Variants in RP1 observed in about 807,000 individuals in gnomAD.
RP1 encodes RP1 axonemal microtubule associated.
Under a neutral mutation model 14.8 loss-of-function variants are expected in RP1, and 16 were observed. The ratio of observed to expected loss-of-function variants is 1.08; its 90% CI spans 0.73 to 1.65. The LOEUF (loss-of-function observed/expected upper bound fraction) is 1.65, where lower values mean the gene tolerates loss of function less well. Ranked by LOEUF, RP1 falls within the 40% of genes most tolerant of loss-of-function variation. RP1 has a pLI of 0.00. For missense variants in RP1, 2,631 were observed against 2,535.0 expected (o/e 1.04, Z -0.81); for synonymous variants, 876 against 883.6 (o/e 0.99, Z 0.15).
At chr8:54,601,356 G>A (rs1215221053) in intron 1 of RP1, among the ~76,000 whole-genome samples, 1 of 151,480 alleles carries the variant, frequency 6.6e-6, no homozygotes, top group African/African-American at 2.4e-5. Context: ...CTCACTCATA[G>A]GTGGGAATTG....
intron 12 of RP1, chr8:54,699,365 T>C: frequency 2.2e-6 from 1 of 446,758 alleles, no homozygotes; most frequent in East Asian, 3.4e-5. Context: ...AACATTTAAT[T>C]GAGAAGTTTA....
chr8:54,576,142 G>A (rs1804636183), intron 1 of RP1, among the ~76,000 whole-genome samples: 1 of 151,020 alleles, frequency 6.6e-6, no homozygotes, highest in South Asian at 2.1e-4. Flanking sequence ...CCAGGTTCAC[G>A]CCATTCTCCC....
chr8:54,843,089 C>T (rs963109938), intron 25 of RP1, among the ~76,000 whole-genome samples: 1 of 152,144 alleles, frequency 6.6e-6, no homozygotes, highest in Non-Finnish European at 1.5e-5. Context: ...GAGTGTTGCC[C>T]AGGCTGGAGT....
rs1284179734 is a variant in RP1, at chr8:54,778,302, T to C, written c.3452-5245T>C. On this transcript the variant is annotated intron_variant, in intron 23 of 28. Transcript: ENST00000637698. Reference sequence around the variant, plus strand: ...TTCATTCTGGTTACAGGGAGGAATGTTTGTTAATGCTTCTTCTTCTTTTTT... The same window carrying C: ...TTCATTCTGGTTACAGGGAGGAATGCTTGTTAATGCTTCTTCTTCTTTTTT... 3.4e-5 allele frequency among the ~76,000 whole-genome samples: 5 copies of C among 148,626 alleles called. No individual in the cohort carries two copies. In the East Asian group the frequency reaches 1.0e-3, roughly 30 times the overall value.
intron 24 of RP1, among the ~76,000 whole-genome samples, chr8:54,804,199 CTT>C (rs1017523640): frequency 1.3e-5 from 2 of 151,898 alleles, no homozygotes; most frequent in Admixed American, 6.6e-5. Flanking sequence ...TTTGAATAAA[CTT>C]TGTTTTGCAA....
intron 1 of RP1, among the ~76,000 whole-genome samples, chr8:54,607,390 A>G (rs1805477154): frequency 6.6e-6 from 1 of 152,106 alleles, no homozygotes; most frequent in African/African-American, 2.4e-5. Flanking sequence ...TTACTGCCTG[A>G]TTGTTCCTTT....
At chr8:54,745,481 A>T (rs1312333425) in intron 19 of RP1, among the ~76,000 whole-genome samples, 1 of 152,210 alleles carries the variant, frequency 6.6e-6, no homozygotes, top group Non-Finnish European at 1.5e-5. Context: ...TAAGTTTCTA[A>T]GAAACAAAAA....
intron 16 of RP1, among the ~76,000 whole-genome samples, chr8:54,720,629 G>GTAC (rs1808511976): frequency 6.6e-6 from 1 of 152,192 alleles, no homozygotes. Flanking sequence ...CCCTGAGAGG[G>GTAC]ATGAGGCTGT....
At chr8:54,670,693 ATATATATATAT>A (rs1807157250) in intron 7 of RP1, among the ~76,000 whole-genome samples, 1 of 138,616 alleles carries the variant, frequency 7.2e-6, no homozygotes, top group Non-Finnish European at 1.5e-5. Context: ...ATATATATAT[ATATATATATAT>A]ATAAAACATT....
intron 1 of RP1, among the ~76,000 whole-genome samples, chr8:54,596,203 AT>A (rs1805141392): frequency 6.6e-6 from 1 of 152,214 alleles, no homozygotes; most frequent in Non-Finnish European, 1.5e-5. Flanking sequence ...TTCAGAGTAC[AT>A]TTAGATCGGT....
chr8:54,820,846 C>T (rs1168371104), intron 24 of RP1, among the ~76,000 whole-genome samples: 1 of 152,064 alleles, frequency 6.6e-6, no homozygotes, highest in African/African-American at 2.4e-5. Flanking sequence ...CTTTCTCCAC[C>T]TCCTTCCCAG....
At chr8:54,739,172 G>T in intron 19 of RP1, 2 of 463,976 alleles carry the variant, frequency 4.3e-6, no homozygotes, top group South Asian at 1.3e-4. Context: ...GTAAACTCAT[G>T]GTAAATAAAA....
Position 54,628,716 on chromosome 8 carries a change from A to G in RP1, c.4834A>G (p.Asn1612Asp). 1 of 1,614,082 alleles carries G rather than the reference A, an allele frequency of 6.2e-7. No homozygotes were observed. Among genetic ancestry groups the G allele is most frequent in the Non-Finnish European group, 8.5e-7 (1 of 1,179,954 alleles). ...ATATAAAACATCCAGTGATGATCCC[A>G]ATGACAGTGGCGAACTTACCCAAGA... ...QPYKTSSDDP[N>D]DSGELTQEKE... The change falls in exon 4 of 4, where the codon AAT (asparagine) becomes GAT (aspartate). Residue 1612 changes from asparagine (N) to aspartate (D), a missense_variant. By Grantham distance (23) the Asn-to-Asp change is conservative. Transcript: ENST00000220676.
chr8:54,580,486 T>C (rs533824432), intron 1 of RP1, among the ~76,000 whole-genome samples: 30 of 150,134 alleles, frequency 2.0e-4, no homozygotes, highest in Middle Eastern at 3.5e-3. Context: ...TTTGTATTTT[T>C]AGTAGAGATG....
At chr8:54,671,986 T>C (rs1196938038) in intron 7 of RP1, among the ~76,000 whole-genome samples, 2 of 152,136 alleles carry the variant, frequency 1.3e-5, no homozygotes, top group South Asian at 2.1e-4. Flanking sequence ...AAAACTTGCA[T>C]TGGTCAGCCC....
chr8:54,726,849 T>C (rs1337372289), intron 17 of RP1, among the ~76,000 whole-genome samples: 1 of 149,618 alleles, frequency 6.7e-6, no homozygotes, highest in Non-Finnish European at 1.5e-5. Flanking sequence ...ATTTCTCTGG[T>C]ATAGAAACTG....
intron 1 of RP1, among the ~76,000 whole-genome samples, chr8:54,604,620 A>C (rs988763587): frequency 1.3e-5 from 2 of 152,230 alleles, no homozygotes; most frequent in South Asian, 2.1e-4. Context: ...ATGATACCAG[A>C]TCCTCCTTGT....
At chr8:54,708,585 T>C (rs565313923) in intron 15 of RP1, among the ~76,000 whole-genome samples, 2 of 152,294 alleles carry the variant, frequency 1.3e-5, no homozygotes, top group South Asian at 4.2e-4. Flanking sequence ...GGTCTCGATC[T>C]TCTGACCTCG....
chr8:54,612,155 T>C (rs1319762709), upstream of RP1, among the ~76,000 whole-genome samples: 8 of 152,196 alleles, frequency 5.3e-5, no homozygotes, highest in Non-Finnish European at 1.0e-4. Context: ...GTCCCAGGTA[T>C]TATATCTTTA....
Sources: gnomAD v4.1 joint callset for allele counts (sites outside exome capture counted in the v4.1 genomes callset) on GRCh38, gnomAD v4.1.1 for gene constraint, MANE v1.5 for transcripts, NCBI Gene and HGNC (gene_info 2026-07-23, HGNC 2026-07-21) for gene names.